The following RNF150 variants were observed in gnomAD, a reference collection of about 807,000 sequenced individuals.
The protein encoded by RNF150 is ring finger protein 150.
Under a neutral mutation model 39.3 loss-of-function variants are expected in RNF150, and 24 were observed. The observed-to-expected ratio is 0.61, with a 90% CI of 0.44 to 0.86. The LOEUF is 0.86. Ranked by LOEUF, RNF150 falls within the 40% of genes least tolerant of loss-of-function variation. The probability of loss-of-function intolerance (pLI) is 0.00; values close to 1 mark genes in which losing one functional copy is unlikely to be tolerated. For missense variants in RNF150, 502 were observed against 587.8 expected (o/e 0.85, Z 1.51); for synonymous variants, 255 against 227.3 (o/e 1.12, Z -1.10).
intron 1 of RNF150, among the ~76,000 whole-genome samples, chr4:141,049,498 A>C (rs1736700109): frequency 6.6e-6 from 1 of 152,158 alleles, no homozygotes; most frequent in South Asian, 2.1e-4. Flanking sequence ...ATAAGTGGGT[A>C]AACGGTTAGG....
At chr4:141,083,206 G>A (rs1258234694) in intron 1 of RNF150, among the ~76,000 whole-genome samples, 3 of 152,150 alleles carry the variant, frequency 2.0e-5, no homozygotes, top group Non-Finnish European at 4.4e-5. Flanking sequence ...ACCATAGGGC[G>A]ATTTCCCAGA....
chr4:141,195,001 C>A (rs1033089154), intron 1 of RNF150, among the ~76,000 whole-genome samples: 1 of 151,986 alleles, frequency 6.6e-6, no homozygotes, highest in Non-Finnish European at 1.5e-5. Context: ...ATAGTAGCTA[C>A]TATTATGTAA....
At chr4:140,974,838 C>T (rs1267669473) in intron 1 of RNF150, among the ~76,000 whole-genome samples, 2 of 151,756 alleles carry the variant, frequency 1.3e-5, no homozygotes, top group African/African-American at 4.8e-5. Flanking sequence ...TTTTAGTGCT[C>T]TTTGTTTAAA....
intron 1 of RNF150, among the ~76,000 whole-genome samples, chr4:141,189,512 C>A (rs934292365): frequency 1.3e-5 from 2 of 152,160 alleles, no homozygotes; most frequent in Admixed American, 1.3e-4. Flanking sequence ...GCCCCTTCCC[C>A]CAGGAGCTCT....
At chr4:140,960,917 A>AT (rs1732996438) in intron 2 of RNF150, among the ~76,000 whole-genome samples, 2 of 152,044 alleles carry the variant, frequency 1.3e-5, no homozygotes, top group Non-Finnish European at 2.9e-5. Context: ...TGTCACGCAT[A>AT]TTTTCTCATT....
At chr4:140,928,555 TTC>T (rs1272021404) in intron 4 of RNF150, among the ~76,000 whole-genome samples, 2 of 152,224 alleles carry the variant, frequency 1.3e-5, no homozygotes, top group Admixed American at 6.5e-5. Context: ...TTATTTCTTT[TTC>T]TTTTTTTGAG....
chr4:140,969,756 CTT>C lies in RNF150; in HGVS notation c.485-1885_485-1884del, dbSNP rs70946718. 1.2e-3 allele frequency among the ~76,000 whole-genome samples: 90 copies of C among 75,954 alleles called. No homozygotes were observed. In the East Asian group the frequency reaches 0.012, roughly 10 times the overall value. The allele number at this position is 75,954 out of a possible 152,430, so 49.8% of individuals were successfully genotyped here. ...GATGTTCAGAAATGCACAAGTTTTACTTTTTTTTTTTTTTTTTTTTTTTGAGA... is the reference window on the plus strand; with the variant it reads ...GATGTTCAGAAATGCACAAGTTTTACTTTTTTTTTTTTTTTTTTTTTGAGA... On this transcript the variant is annotated intron_variant, in intron 1 of 6. Transcript: ENST00000515673.
chr4:140,899,060 G>A (rs3844179), intron 6 of RNF150, among the ~76,000 whole-genome samples: 84,469 of 151,994 alleles, frequency 0.56, 24,178 homozygotes, highest in East Asian at 0.84. Flanking sequence ...ATAGGCACAC[G>A]TATTGTTTCC....
intron 1 of RNF150, among the ~76,000 whole-genome samples, chr4:141,189,395 G>C (rs748150230): frequency 1.3e-5 from 2 of 152,184 alleles, no homozygotes; most frequent in Non-Finnish European, 2.9e-5. Flanking sequence ...ACTTGAGGAG[G>C]CAGTCTGTCC....
intron 4 of RNF150, among the ~76,000 whole-genome samples, chr4:140,930,460 C>T (rs1000404525): frequency 1.3e-5 from 2 of 152,196 alleles, no homozygotes; most frequent in African/African-American, 4.8e-5. Context: ...TTGCTCAATT[C>T]GCTGTTGCAT....
intron 1 of RNF150, among the ~76,000 whole-genome samples, chr4:141,187,762 C>T (rs1010463782): frequency 2.6e-5 from 4 of 152,110 alleles, no homozygotes; most frequent in Non-Finnish European, 5.9e-5. Context: ...TGAGATGGGT[C>T]TCCTGAATAC....
At chr4:141,071,784 CTTCAGAATAAAGGTA>C (rs1193088663) in intron 1 of RNF150, among the ~76,000 whole-genome samples, 1 of 152,150 alleles carries the variant, frequency 6.6e-6, no homozygotes, top group Non-Finnish European at 1.5e-5. Flanking sequence ...GCTCTTATTC[CTTCAGAATAAAGGTA>C]TTCAGAAAAT....
intron 1 of RNF150, among the ~76,000 whole-genome samples, chr4:141,209,023 T>G (rs1728419851): frequency 6.6e-6 from 1 of 151,944 alleles, no homozygotes; most frequent in Non-Finnish European, 1.5e-5. Context: ...TTTCAGCAAA[T>G]GGAAGCAAGC....
intron 1 of RNF150, among the ~76,000 whole-genome samples, chr4:141,045,264 C>G (rs1736528820): frequency 6.6e-6 from 1 of 152,234 alleles, no homozygotes; most frequent in Non-Finnish European, 1.5e-5. Flanking sequence ...CCTTCACTCT[C>G]AAATGTGTAT....
At chr4:141,192,393 C>T (rs1728125287) in intron 1 of RNF150, among the ~76,000 whole-genome samples, 4 of 152,278 alleles carry the variant, frequency 2.6e-5, no homozygotes, top group Non-Finnish European at 4.4e-5. Flanking sequence ...TAAAATGGAA[C>T]AATCTCTGCT....
intron 6 of RNF150, among the ~76,000 whole-genome samples, chr4:140,896,687 T>C (rs932832422): frequency 1.3e-5 from 1 of 79,292 alleles, no homozygotes; most frequent in African/African-American, 4.2e-5. Context: ...TAGAGTATAA[T>C]AAAAAAAAAA....
intron 1 of RNF150, among the ~76,000 whole-genome samples, chr4:140,987,536 T>C (rs1249057441): frequency 6.6e-6 from 1 of 152,064 alleles, no homozygotes; most frequent in Admixed American, 6.6e-5. Context: ...TATCAATAAC[T>C]GGTGCTGGGA....
chr4:141,111,681 A>G (rs1739388576), intron 1 of RNF150, among the ~76,000 whole-genome samples: 1 of 152,244 alleles, frequency 6.6e-6, no homozygotes, highest in Non-Finnish European at 1.5e-5. Flanking sequence ...CAATTAAAGA[A>G]AATGTTATTT....
At chr4:141,128,512 C>G (rs1726808351) in intron 1 of RNF150, among the ~76,000 whole-genome samples, 1 of 152,164 alleles carries the variant, frequency 6.6e-6, no homozygotes, top group Non-Finnish European at 1.5e-5. Context: ...AGAAGCTTCA[C>G]AGGCAGGCAT....
Sources: allele counts gnomAD v4.1 joint callset (sites outside exome capture counted in the v4.1 genomes callset), GRCh38; gene constraint gnomAD v4.1.1; transcripts MANE v1.5; gene names NCBI Gene and HGNC (gene_info 2026-07-23, HGNC 2026-07-21).